The following CSNK1G2 variants were observed in gnomAD, a reference collection of about 807,000 sequenced individuals.
CSNK1G2 encodes casein kinase I isoform gamma-2.
A neutral mutation model predicts 48.0 loss-of-function variants in CSNK1G2; 11 were observed. The ratio of observed to expected loss-of-function variants is 0.23; its 90% CI spans 0.14 to 0.38. The LOEUF (loss-of-function observed/expected upper bound fraction) is 0.38. CSNK1G2 is among the 10% of genes least tolerant of loss of function. The pLI is 1.00. For missense variants in CSNK1G2, 446 were observed against 595.5 expected, an observed-to-expected ratio of 0.75 and a Z score of 2.61; for synonymous variants, 337 against 254.1, an observed-to-expected ratio of 1.33 and a Z score of -3.10.
At chr19:1,962,236 G>A (rs1250741521) in intron 1 of CSNK1G2, among the ~76,000 whole-genome samples, 1 of 148,526 alleles carries the variant, frequency 6.7e-6, no homozygotes, top group Non-Finnish European at 1.5e-5. Context: ...GGAGGCTGAG[G>A]CAGAGAACTG....
intron 2 of CSNK1G2, among the ~76,000 whole-genome samples, chr19:1,971,969 C>T (rs933475770): frequency 2.0e-5 from 3 of 152,174 alleles, no homozygotes; most frequent in South Asian, 4.1e-4. Context: ...TGGGGTTTCA[C>T]TGTGTTAGCC....
intron 1 of CSNK1G2, among the ~76,000 whole-genome samples, chr19:1,955,054 C>T (rs574537390): frequency 2.4e-4 from 37 of 152,298 alleles, no homozygotes; most frequent in African/African-American, 8.4e-4. Context: ...TGTCTGGCTT[C>T]CCTTGGGCAC....
At chr19:1,958,358 G>T (rs533820908) in intron 1 of CSNK1G2, among the ~76,000 whole-genome samples, 98 of 152,094 alleles carry the variant, frequency 6.4e-4, no homozygotes, top group Admixed American at 5.5e-3. Flanking sequence ...AGCAGTGGGG[G>T]CCGTGGGGTT....
intron 1 of CSNK1G2, among the ~76,000 whole-genome samples, chr19:1,955,071 G>T (rs1004219289): frequency 1.2e-4 from 18 of 152,156 alleles, no homozygotes; most frequent in African/African-American, 4.3e-4. Flanking sequence ...GCACCCCCTG[G>T]GGTTCGGAGA....
chr19:1,942,984 T>C (rs1321636722), intron 1 of CSNK1G2, among the ~76,000 whole-genome samples: 4 of 152,058 alleles, frequency 2.6e-5, no homozygotes, highest in Admixed American at 6.5e-5. Context: ...AGTGTTTTGC[T>C]CAGCCCCCCA....
intron 1 of CSNK1G2, among the ~76,000 whole-genome samples, chr19:1,946,377 C>T (rs905578530): frequency 2.0e-5 from 3 of 150,576 alleles, no homozygotes; most frequent in Non-Finnish European, 3.0e-5. Flanking sequence ...CTGCAAGCTC[C>T]GCCTCTTGGG....
intron 1 of CSNK1G2, among the ~76,000 whole-genome samples, chr19:1,961,075 C>G (rs879369403): frequency 6.6e-6 from 1 of 152,218 alleles, no homozygotes; most frequent in Non-Finnish European, 1.5e-5. Context: ...GCGTCGCCCC[C>G]GCATGGTGGT....
chr19:1,964,160 A>T (rs946245460), intron 1 of CSNK1G2, among the ~76,000 whole-genome samples: 1 of 151,364 alleles, frequency 6.6e-6, no homozygotes, highest in Non-Finnish European at 1.5e-5. Context: ...GGGCATGGTG[A>T]TGTGTGCCTG....
At chr19:1,949,039 G>C (rs549921535) in intron 1 of CSNK1G2, among the ~76,000 whole-genome samples, 1 of 152,298 alleles carries the variant, frequency 6.6e-6, no homozygotes, top group East Asian at 1.9e-4. Context: ...TCGCTGTCTC[G>C]GGTGGCAGAG....
intron 1 of CSNK1G2, among the ~76,000 whole-genome samples, chr19:1,951,581 C>T (rs1045020631): frequency 6.9e-6 from 1 of 145,418 alleles, no homozygotes; most frequent in Admixed American, 6.9e-5. Flanking sequence ...GGGGGTGCAG[C>T]CTCCCGATGG....
chr19:1,971,400 G>A (rs548381309), intron 2 of CSNK1G2, among the ~76,000 whole-genome samples: 65 of 152,344 alleles, frequency 4.3e-4, no homozygotes, highest in African/African-American at 1.3e-3. Flanking sequence ...CAGGAGGCCC[G>A]GGCTCCGTTT....
intron 1 of CSNK1G2, among the ~76,000 whole-genome samples, chr19:1,960,317 C>T (rs371439248): frequency 1.3e-5 from 2 of 152,238 alleles, no homozygotes; most frequent in Admixed American, 6.5e-5. Flanking sequence ...ATGGCCCACA[C>T]GTCCTGCCGC....
intron 2 of CSNK1G2, chr19:1,975,673 C>T (rs2015728186): frequency 1.0e-6 from 1 of 984,952 alleles, no homozygotes; most frequent in African/African-American, 1.7e-5. Context: ...ACTGAACCTG[C>T]AGCTGATTCA....
chr19:1,976,393 AG>A (rs1413352765), intron 2 of CSNK1G2, among the ~76,000 whole-genome samples: 1 of 152,220 alleles, frequency 6.6e-6, no homozygotes, highest in Non-Finnish European at 1.5e-5. Context: ...TGCACCCTCA[AG>A]ATGCCACGTT....
intron 1 of CSNK1G2, among the ~76,000 whole-genome samples, chr19:1,966,933 C>T (rs923154799): frequency 6.6e-6 from 1 of 152,076 alleles, no homozygotes; most frequent in South Asian, 2.1e-4. Flanking sequence ...TGCAGTGGTG[C>T]GATCATAGCT....
chr19:1,974,322 G>T (rs180950913), intron 2 of CSNK1G2, among the ~76,000 whole-genome samples: 2 of 152,250 alleles, frequency 1.3e-5, no homozygotes, highest in African/African-American at 4.8e-5. Flanking sequence ...AAGGCAGGAC[G>T]GCACAGACCG....
intron 1 of CSNK1G2, among the ~76,000 whole-genome samples, chr19:1,941,911 G>C (rs1172293164): frequency 6.8e-6 from 1 of 147,204 alleles, no homozygotes; most frequent in South Asian, 2.3e-4. Flanking sequence ...ACTCACCCGC[G>C]TCCCTCACGC....
intron 1 of CSNK1G2, among the ~76,000 whole-genome samples, chr19:1,944,194 G>A (rs929970487): frequency 1.3e-5 from 2 of 152,100 alleles, no homozygotes; most frequent in Non-Finnish European, 1.5e-5. Flanking sequence ...TGCCGGGTCC[G>A]CCTCCCCCAT....
rs59789410 is a variant in CSNK1G2 at position 1,967,820 on chromosome 19, C to T, written c.-265-1688C>T. ...TCCTCCCTCCTCCCCAGGCTGCCCC[C>T]GACCACCCTTCAGTTCTGCAGGTGG... On this transcript the variant is annotated intron_variant, in intron 1 of 11. Coordinates refer to ENST00000255641, the MANE Select transcript of CSNK1G2 (RefSeq NM_001319.7). Among the ~76,000 whole-genome samples, 38 of 40,904 alleles carry T rather than the reference C, an allele frequency of 9.3e-4. 3 individuals carry two copies. The highest frequency in any genetic ancestry group is 2.7e-3 in the East Asian group (3 of 1,132). 26.8% of individuals were successfully genotyped at this position (40,904 alleles called of 152,430 possible).
Sources: allele counts gnomAD v4.1 joint callset (sites outside exome capture counted in the v4.1 genomes callset), GRCh38; gene constraint gnomAD v4.1.1; transcripts MANE v1.5; gene names NCBI Gene and HGNC (gene_info 2026-07-23, HGNC 2026-07-21).